TMEM132C: variants seen among roughly 807,000 people sequenced by gnomAD.
TMEM132C encodes the protein protein phosphatase 1, regulatory subunit 152.
A neutral mutation model predicts 61.4 loss-of-function variants in TMEM132C; 29 were observed. The observed-to-expected ratio is 0.47, with a 90% confidence interval of 0.35 to 0.64. The LOEUF (loss-of-function observed/expected upper bound fraction) is 0.64, where lower values mean the gene tolerates loss of function less well. Ranked by LOEUF, TMEM132C falls within the 30% of genes least tolerant of loss-of-function variation. The probability of loss-of-function intolerance (pLI) is 0.00; values close to 1 mark genes in which losing one functional copy is unlikely to be tolerated. For missense variants in TMEM132C, 1,408 were observed against 1,476.9 expected, an observed-to-expected ratio of 0.95 and a Z score of 0.76; for synonymous variants, 656 against 633.1, an observed-to-expected ratio of 1.04 and a Z score of -0.54.
intron 5 of TMEM132C, among the ~76,000 whole-genome samples, chr12:128,677,508 G>A (rs1954600844): frequency 6.6e-6 from 1 of 152,152 alleles, no homozygotes; most frequent in Admixed American, 6.5e-5. Context: ...TCCTCAAGGA[G>A]GGGACACTGG....
chr12:128,664,205 C>CATGT (rs1954433445), intron 4 of TMEM132C, among the ~76,000 whole-genome samples: 2 of 92,958 alleles, frequency 2.2e-5, no homozygotes, highest in South Asian at 2.6e-4. Context: ...CACACAGGCA[C>CATGT]ACACACATGC....
intron 1 of TMEM132C, among the ~76,000 whole-genome samples, chr12:128,303,136 T>C (rs1871650438): frequency 6.6e-6 from 1 of 152,218 alleles, no homozygotes; most frequent in South Asian, 2.1e-4. Flanking sequence ...AATGATGCCA[T>C]GTGGGTTCAG....
At chr12:128,413,404 G>A (rs571769188) in intron 1 of TMEM132C, among the ~76,000 whole-genome samples, 5 of 149,674 alleles carry the variant, frequency 3.3e-5, no homozygotes, top group African/African-American at 1.2e-4. Flanking sequence ...CTAGAAGTAA[G>A]ATGAAAGAGT....
chr12:128,683,498 C>T (rs1378782870), intron 5 of TMEM132C, among the ~76,000 whole-genome samples: 1 of 152,194 alleles, frequency 6.6e-6, no homozygotes, highest in Non-Finnish European at 1.5e-5. Flanking sequence ...CTCTTCTGGA[C>T]CTGGATGGTT....
intron 2 of TMEM132C, among the ~76,000 whole-genome samples, chr12:128,459,884 CAA>C (rs71069569): frequency 0.012 from 982 of 82,150 alleles, 9 homozygotes; most frequent in African/African-American, 0.048. Context: ...GACTCTGTCT[CAA>C]AAAAAAAAAA....
Position 128,306,206 on chromosome 12 carries a change from C to CTTTT in TMEM132C, c.85+38732_85+38735dup, listed in dbSNP as rs34273117. Among the ~76,000 whole-genome samples, 82 of 136,928 alleles carry CTTTT rather than the reference C, an allele frequency of 6.0e-4. 4 individuals carry two copies. The South Asian group carries it at 9.7e-3, about 16-fold the overall frequency. The allele number at this position is 136,928 out of a possible 152,430, so 89.8% of individuals were successfully genotyped here. A position where few individuals can be genotyped will look rare whatever the true frequency, so the allele number is the denominator to read the frequency against. On this transcript the variant is annotated intron_variant, in intron 1 of 8. Transcript: ENST00000435159. ...CACCTCTTTACCCTGTGAAGAAATT[C>CTTTT]TTTTTTTTTTTTTTTTGAGACTGAG... is the stretch of plus-strand genomic sequence containing the variant.
At chr12:128,596,998 G>A (rs937189704) in intron 3 of TMEM132C, among the ~76,000 whole-genome samples, 3 of 152,264 alleles carry the variant, frequency 2.0e-5, no homozygotes, top group Admixed American at 6.5e-5. Context: ...CCAAAACTGC[G>A]GATGCTAAGT....
chr12:128,468,426 T>C (rs1870817139), intron 2 of TMEM132C, among the ~76,000 whole-genome samples: 1 of 152,196 alleles, frequency 6.6e-6, no homozygotes, highest in Non-Finnish European at 1.5e-5. Flanking sequence ...CAAGCGATTC[T>C]TCTGCCTCAG....
chr12:128,478,064 T>C (rs1871207946), intron 2 of TMEM132C, among the ~76,000 whole-genome samples: 1 of 152,144 alleles, frequency 6.6e-6, no homozygotes, highest in Admixed American at 6.5e-5. Context: ...AGTCCCTGAG[T>C]CTATGAGTAG....
At chr12:128,480,073 T>C (rs554015799) in intron 2 of TMEM132C, among the ~76,000 whole-genome samples, 4 of 152,136 alleles carry the variant, frequency 2.6e-5, no homozygotes, top group Admixed American at 2.0e-4. Context: ...GCCTGGGCGA[T>C]GTAGTGGGAC....
At chr12:128,342,955 G>A (rs1713624) in intron 1 of TMEM132C, among the ~76,000 whole-genome samples, 131,365 of 152,226 alleles carry the variant, frequency 0.86, 57,940 homozygotes, top group East Asian at 0.96. Context: ...ATCTTCAGGG[G>A]TTCTGAACAT....
At chr12:128,681,795 A>C (rs2135641325) in intron 5 of TMEM132C, among the ~76,000 whole-genome samples, 1 of 147,248 alleles carries the variant, frequency 6.8e-6, no homozygotes, top group East Asian at 2.0e-4. Flanking sequence ...CTGGGACTAC[A>C]GGTGAGCGCT....
chr12:128,441,304 A>C (rs920955848), intron 2 of TMEM132C, among the ~76,000 whole-genome samples: 3 of 152,060 alleles, frequency 2.0e-5, no homozygotes, highest in African/African-American at 7.2e-5. Context: ...CATAGTACCC[A>C]CCTGACTGAC....
At chr12:128,594,431 G>GC (rs56890547) in intron 3 of TMEM132C, among the ~76,000 whole-genome samples, 3,563 of 149,498 alleles carry the variant, frequency 0.024, 138 homozygotes, top group African/African-American at 0.083. Context: ...TGGCTGCTGT[G>GC]CCCCCCATTT....
intron 2 of TMEM132C, among the ~76,000 whole-genome samples, chr12:128,505,479 A>T (rs1477836285): frequency 6.6e-6 from 1 of 152,116 alleles, no homozygotes; most frequent in East Asian, 1.9e-4. Context: ...TAGTTATTCC[A>T]AGTTCTTCCG....
At chr12:128,504,388 GTA>G (rs1872285206) in intron 2 of TMEM132C, among the ~76,000 whole-genome samples, 1 of 152,204 alleles carries the variant, frequency 6.6e-6, no homozygotes, top group Non-Finnish European at 1.5e-5. Flanking sequence ...TAAGGGGAAT[GTA>G]TATAGTGAAA....
intron 2 of TMEM132C, among the ~76,000 whole-genome samples, chr12:128,532,107 G>A (rs984240227): frequency 2.0e-5 from 3 of 152,326 alleles, no homozygotes; most frequent in African/African-American, 7.2e-5. Context: ...TGCATTTTCA[G>A]TGCTTGCCAG....
intron 4 of TMEM132C, among the ~76,000 whole-genome samples, chr12:128,621,339 T>C (rs1953960814): frequency 6.6e-6 from 1 of 152,172 alleles, no homozygotes; most frequent in Non-Finnish European, 1.5e-5. Flanking sequence ...GAGATCATGC[T>C]GGATTTGAGT....
At chr12:128,272,958 A>T (rs1173984484) in intron 1 of TMEM132C, among the ~76,000 whole-genome samples, 1 of 152,166 alleles carries the variant, frequency 6.6e-6, no homozygotes, top group Non-Finnish European at 1.5e-5. Context: ...GTGTCTTTGG[A>T]AGAGCAGAGG....
Sources: gnomAD v4.1 joint callset for allele counts (sites outside exome capture counted in the v4.1 genomes callset) on GRCh38, gnomAD v4.1.1 for gene constraint, MANE v1.5 for transcripts, NCBI Gene and HGNC (gene_info 2026-07-23, HGNC 2026-07-21) for gene names.